The following PTCHD4 variants were observed in gnomAD, a reference collection of about 807,000 sequenced individuals.
The protein encoded by PTCHD4 is patched domain containing 4.
PTCHD4 carries 33 observed loss-of-function variants against 58.1 expected under a neutral mutation model. The observed-to-expected ratio is 0.57, with a 90% CI of 0.43 to 0.76. The LOEUF (loss-of-function observed/expected upper bound fraction) is 0.76. Ranked by LOEUF, PTCHD4 falls within the 30% of genes least tolerant of loss-of-function variation. PTCHD4 has a pLI of 0.00. For synonymous variants in PTCHD4, 478 were observed against 409.6 expected (o/e 1.17, Z -2.02); for missense variants, 1,058 against 1,027.1 (o/e 1.03, Z -0.41).
intron 4 of PTCHD4, among the ~76,000 whole-genome samples, chr6:47,984,284 C>T (rs1767986077): frequency 6.6e-6 from 1 of 152,092 alleles, no homozygotes; most frequent in African/African-American, 2.4e-5. Flanking sequence ...TTCCTCATGG[C>T]TGGGTGGGAC....
intron 4 of PTCHD4, among the ~76,000 whole-genome samples, chr6:47,946,792 C>A (rs1766434955): frequency 1.3e-5 from 2 of 151,756 alleles, no homozygotes; most frequent in African/African-American, 4.8e-5. Context: ...TTTCTTCAAA[C>A]CTTTCCTCTC....
At chr6:47,903,054 C>T (rs9357562) in intron 4 of PTCHD4, among the ~76,000 whole-genome samples, 95,462 of 152,008 alleles carry the variant, frequency 0.63, 30,842 homozygotes, top group East Asian at 0.78. Context: ...ACTTAATTTC[C>T]TTTCCTTCAA....
At chr6:48,103,648 C>T (rs546897073) in intron 1 of PTCHD4, among the ~76,000 whole-genome samples, 2 of 152,200 alleles carry the variant, frequency 1.3e-5, no homozygotes, top group South Asian at 2.1e-4. Flanking sequence ...GATCAAACTA[C>T]TCCGAGCTAA....
chr6:47,863,325 T>C lies in PTCHD4; in HGVS notation c.*14978A>G, dbSNP rs1243022750. Among the ~76,000 whole-genome samples the C allele has an allele frequency of 1.3e-5, 2 of 151,890 alleles. No individual in the cohort carries two copies. The highest frequency in any genetic ancestry group is 3.9e-4 in the East Asian group (2 of 5,138). On this transcript the variant is annotated 3_prime_UTR_variant, in exon 5 of 5. Transcript: ENST00000339488. ...TGTCCTAGGGCCTCCAAAAGACTTA[T>C]GTAAGCAATGGGCTCAGAAATTTAA...
rs182499814 is a variant in PTCHD4, at chr6:47,875,102, C to T, written c.*3201G>A. Among the ~76,000 whole-genome samples the T allele has an allele frequency of 9.2e-4, 139 of 151,838 alleles. 2 individuals carry two copies. The highest frequency in any genetic ancestry group is 6.8e-3 in the Middle Eastern group (2 of 294). On this transcript the variant is annotated 3_prime_UTR_variant, in exon 5 of 5. Coordinates refer to ENST00000339488, the MANE Select transcript of PTCHD4 (RefSeq NM_001384253.1). ...GAGTAGTTTTTTCAAACTTTATAACCTCTTACTTTAAGGGCATATATGTTT... is the reference window on the plus strand; with the variant it reads ...GAGTAGTTTTTTCAAACTTTATAACTTCTTACTTTAAGGGCATATATGTTT...
intron 1 of PTCHD4, among the ~76,000 whole-genome samples, chr6:48,095,955 A>T (rs1267200699): frequency 1.3e-5 from 2 of 152,184 alleles, no homozygotes; most frequent in East Asian, 3.9e-4. Flanking sequence ...ACATTTAAAA[A>T]AAAAGACAAA....
intron 3 of PTCHD4, among the ~76,000 whole-genome samples, chr6:48,028,362 A>G (rs1763322712): frequency 1.3e-5 from 2 of 152,116 alleles, no homozygotes; most frequent in African/African-American, 2.4e-5. Flanking sequence ...TTGTTCAAGA[A>G]TAATAAAGAG....
intron 3 of PTCHD4, among the ~76,000 whole-genome samples, chr6:48,025,553 T>C (rs1763216252): frequency 1.3e-5 from 2 of 152,180 alleles, no homozygotes; most frequent in African/African-American, 4.8e-5. Flanking sequence ...TTCTCTTCTT[T>C]AGAGAGATTA....
At chr6:48,034,459 T>A (rs1323960094) in intron 3 of PTCHD4, among the ~76,000 whole-genome samples, 7 of 152,074 alleles carry the variant, frequency 4.6e-5, no homozygotes, top group African/African-American at 1.7e-4. Flanking sequence ...AGGTTGGCAG[T>A]TGACCGTTAC....
chr6:48,067,926 C>T (rs932758274), intron 3 of PTCHD4, among the ~76,000 whole-genome samples: 2 of 151,764 alleles, frequency 1.3e-5, no homozygotes, highest in South Asian at 2.1e-4. Context: ...CCCATCTTTT[C>T]CCCCCAGAAA....
chr6:47,894,815 C>G (rs1372840164), intron 4 of PTCHD4, among the ~76,000 whole-genome samples: 1 of 152,142 alleles, frequency 6.6e-6, no homozygotes, highest in Non-Finnish European at 1.5e-5. Flanking sequence ...TGCTCATTTG[C>G]ATTAGGCAAA....
intron 4 of PTCHD4, among the ~76,000 whole-genome samples, chr6:47,959,939 A>AC (rs1411763260): frequency 6.6e-6 from 1 of 151,940 alleles, no homozygotes; most frequent in African/African-American, 2.4e-5. Context: ...GCAAAAAAAA[A>AC]CCCCAGAGTT....
intron 3 of PTCHD4, among the ~76,000 whole-genome samples, chr6:48,040,491 T>G (rs892626818): frequency 1.3e-5 from 2 of 151,844 alleles, no homozygotes; most frequent in Non-Finnish European, 2.9e-5. Flanking sequence ...AAATGTCTGG[T>G]GCATCCTATT....
rs1197996181 is a variant in PTCHD4, at chr6:47,874,489, T to C, written c.*3814A>G. On this transcript the variant is annotated 3_prime_UTR_variant, in exon 5 of 5. Transcript: ENST00000339488. ...GATATTTACAGTCAACTTATAAAAA[T>C]ACATGTAATTCTGAATGGCAATAGT... Among the ~76,000 whole-genome samples the C allele has an allele frequency of 6.6e-6, 1 of 151,648 alleles. No individual in the cohort carries two copies. Among genetic ancestry groups the C allele is most frequent in the Non-Finnish European group, 1.5e-5 (1 of 67,784 alleles).
At chr6:48,036,510 T>C (rs1345317410) in intron 3 of PTCHD4, among the ~76,000 whole-genome samples, 1 of 152,158 alleles carries the variant, frequency 6.6e-6, no homozygotes, top group Non-Finnish European at 1.5e-5. Context: ...ATCCCAGATG[T>C]GAATCCTCCC....
At chr6:47,968,243 T>C (rs1180972524) in intron 4 of PTCHD4, among the ~76,000 whole-genome samples, 1 of 152,100 alleles carries the variant, frequency 6.6e-6, no homozygotes, top group Non-Finnish European at 1.5e-5. Flanking sequence ...GGCTGGTCAA[T>C]GGGGCAGTCA....
intron 1 of PTCHD4, among the ~76,000 whole-genome samples, chr6:48,091,709 C>T (rs1480734807): frequency 6.8e-6 from 1 of 146,212 alleles, no homozygotes; most frequent in Non-Finnish European, 1.5e-5. Flanking sequence ...TGTAGTGGCA[C>T]AATCTCGGCT....
intron 4 of PTCHD4, among the ~76,000 whole-genome samples, chr6:47,886,468 C>T (rs184813149): frequency 2.0e-5 from 3 of 151,662 alleles, no homozygotes; most frequent in African/African-American, 2.4e-5. Context: ...ATATGAGAGA[C>T]GTAAGAAATA....
intron 1 of PTCHD4, among the ~76,000 whole-genome samples, chr6:48,107,270 A>C (rs959849929): frequency 8.5e-5 from 13 of 152,194 alleles, no homozygotes; most frequent in Non-Finnish European, 1.0e-4. Context: ...CCAATGGAAC[A>C]GAACAGAGCC....
Sources: allele counts gnomAD v4.1 joint callset (sites outside exome capture counted in the v4.1 genomes callset), GRCh38; gene constraint gnomAD v4.1.1; transcripts MANE v1.5; gene names NCBI Gene and HGNC (gene_info 2026-07-23, HGNC 2026-07-21).